The following FHIT variants were observed in gnomAD, a reference collection of about 807,000 sequenced individuals.
FHIT encodes bis(5'-adenosyl)-triphosphatase.
In FHIT, 19 loss-of-function variants were observed where a neutral mutation model predicts 17.9. That is an observed-to-expected ratio of 1.06 (90% CI 0.74 to 1.56). FHIT has a LOEUF of 1.56. Ranked by LOEUF, FHIT falls within the 40% of genes most tolerant of loss-of-function variation. FHIT has a pLI of 0.00. For synonymous variants in FHIT, 81 were observed against 69.7 expected (o/e 1.16, Z -0.81); for missense variants, 248 against 189.2 (o/e 1.31, Z -1.82).
At chr3:59,820,485 G>A (rs973758910) in intron 8 of FHIT, among the ~76,000 whole-genome samples, 19 of 152,232 alleles carry the variant, frequency 1.2e-4, no homozygotes, top group African/African-American at 3.6e-4. Context: ...TGAGAAAAAT[G>A]TCTCACGATT....
At position 60,123,965 on chromosome 3, in the gene FHIT, AAAAT is replaced by A. The variant is rs1345944937; in HGVS notation, c.104-109817_104-109814del. Among the ~76,000 whole-genome samples the A allele has an allele frequency of 3.0e-3, 163 of 54,484 alleles. 7 individuals carry two copies. Among genetic ancestry groups the A allele is most frequent in the African/African-American group, 4.4e-3 (52 of 11,754 alleles). The allele number at this position is 54,484 out of a possible 152,430, so 35.7% of individuals were successfully genotyped here. On this transcript the variant is annotated intron_variant, in intron 5 of 9. Transcript: ENST00000492590. ...CACTTCCATTAACAGAAATGCACTAAAAATATATATATATATATATATATATATA... is the reference window on the plus strand; with the variant it reads ...CACTTCCATTAACAGAAATGCACTAAATATATATATATATATATATATATA...
intron 5 of FHIT, among the ~76,000 whole-genome samples, chr3:60,028,301 C>G (rs1700840582): frequency 6.6e-6 from 1 of 152,150 alleles, no homozygotes; most frequent in Non-Finnish European, 1.5e-5. Flanking sequence ...ACACCAATTC[C>G]CCAACAACAC....
At chr3:60,258,535 T>G (rs2107605302) in intron 5 of FHIT, among the ~76,000 whole-genome samples, 1 of 152,060 alleles carries the variant, frequency 6.6e-6, no homozygotes, top group South Asian at 2.1e-4. Flanking sequence ...TGGTGCTTCC[T>G]AAGATTATTA....
chr3:61,235,944 A>G (rs2040220150), intron 1 of FHIT, among the ~76,000 whole-genome samples: 1 of 151,844 alleles, frequency 6.6e-6, no homozygotes, highest in Non-Finnish European at 1.5e-5. Context: ...TAGCTAAAAT[A>G]ATCACTAACA....
chr3:61,069,573 T>C (rs992616147), intron 2 of FHIT, among the ~76,000 whole-genome samples: 14 of 152,210 alleles, frequency 9.2e-5, no homozygotes, highest in Non-Finnish European at 1.3e-4. Flanking sequence ...TGTATTTTAA[T>C]TCCTGCCCAA....
rs144442650 is a variant in FHIT, at chr3:59,834,489, A to C, written c.349-82168T>G. ...ATATTATAAACTGGTTGGCTTATAA[A>C]AAACAAACATTTACTTCTCACACTT... On this transcript the variant is annotated intron_variant, in intron 8 of 9. Transcript: ENST00000492590. 5.6e-3 allele frequency among the ~76,000 whole-genome samples: 858 copies of C among 152,298 alleles called. 9 individuals carry two copies. The highest frequency in any genetic ancestry group is 0.02 in the African/African-American group (836 of 41,560).
chr3:60,854,661 GA>G (rs1447999643), intron 3 of FHIT, among the ~76,000 whole-genome samples: 2 of 151,154 alleles, frequency 1.3e-5, no homozygotes, highest in Non-Finnish European at 2.9e-5. Context: ...TAGGCAAGAA[GA>G]GGGGGAAAGG....
intron 5 of FHIT, among the ~76,000 whole-genome samples, chr3:60,277,180 G>A (rs1184719495): frequency 6.6e-6 from 1 of 152,086 alleles, no homozygotes; most frequent in Non-Finnish European, 1.5e-5. Flanking sequence ...TCTGGATCTG[G>A]TTTTCTCTTT....
chr3:59,917,464 C>G (rs913943049), intron 8 of FHIT, among the ~76,000 whole-genome samples: 3 of 152,182 alleles, frequency 2.0e-5, no homozygotes, highest in Non-Finnish European at 4.4e-5. Flanking sequence ...TTTCCTCCCC[C>G]ACATTGGCTA....
intron 8 of FHIT, among the ~76,000 whole-genome samples, chr3:59,877,042 T>C (rs1703195180): frequency 6.6e-6 from 1 of 152,220 alleles, no homozygotes; most frequent in Non-Finnish European, 1.5e-5. Flanking sequence ...ATGGCTATAC[T>C]ACTGTAGTTA....
At chr3:60,606,141 A>T (rs2038601007) in intron 4 of FHIT, among the ~76,000 whole-genome samples, 1 of 152,088 alleles carries the variant, frequency 6.6e-6, no homozygotes, top group East Asian at 1.9e-4. Context: ...CTTCCTACCC[A>T]ACAAAGAATC....
chr3:61,132,138 A>G (rs1256218950), intron 2 of FHIT, among the ~76,000 whole-genome samples: 2 of 152,242 alleles, frequency 1.3e-5, no homozygotes, highest in Non-Finnish European at 2.9e-5. Context: ...TATGGAGGCC[A>G]GGACACTGTA....
At chr3:60,189,009 G>A (rs1466754508) in intron 5 of FHIT, among the ~76,000 whole-genome samples, 1 of 152,132 alleles carries the variant, frequency 6.6e-6, no homozygotes, top group African/African-American at 2.4e-5. Flanking sequence ...GCAGCCCGGT[G>A]AATAAAGTTG....
chr3:59,880,278 C>G (rs1703354420), intron 8 of FHIT, among the ~76,000 whole-genome samples: 1 of 152,170 alleles, frequency 6.6e-6, no homozygotes, highest in South Asian at 2.1e-4. Flanking sequence ...GCTCTTCTCT[C>G]TCTCTCAGGG....
chr3:60,840,183 A>G (rs1702673738), intron 3 of FHIT, among the ~76,000 whole-genome samples: 1 of 152,228 alleles, frequency 6.6e-6, no homozygotes, highest in African/African-American at 2.4e-5. Context: ...CTAGAATACA[A>G]TAGACAGCGA....
intron 4 of FHIT, among the ~76,000 whole-genome samples, chr3:60,598,523 T>C (rs2038342346): frequency 6.6e-6 from 1 of 152,166 alleles, no homozygotes; most frequent in African/African-American, 2.4e-5. Flanking sequence ...ATCTTCCATG[T>C]TGTTGCAAGA....
intron 5 of FHIT, among the ~76,000 whole-genome samples, chr3:60,352,409 T>G (rs1347849939): frequency 1.3e-5 from 2 of 152,212 alleles, no homozygotes; most frequent in Non-Finnish European, 2.9e-5. Context: ...TATACCCAGA[T>G]GTCAAATTCT....
intron 5 of FHIT, among the ~76,000 whole-genome samples, chr3:60,160,564 C>G (rs1052235788): frequency 6.6e-6 from 1 of 152,074 alleles, no homozygotes; most frequent in Non-Finnish European, 1.5e-5. Flanking sequence ...AAGCTGGAGC[C>G]CTTAGTTGAG....
chr3:59,966,073 A>G (rs1050252197), intron 7 of FHIT, among the ~76,000 whole-genome samples: 1 of 152,230 alleles, frequency 6.6e-6, no homozygotes, highest in Non-Finnish European at 1.5e-5. Flanking sequence ...CCAGAGAAAG[A>G]TAATTCTAGA....
Sources: allele counts gnomAD v4.1 joint callset (sites outside exome capture counted in the v4.1 genomes callset), GRCh38; gene constraint gnomAD v4.1.1; transcripts MANE v1.5; gene names NCBI Gene and HGNC (gene_info 2026-07-23, HGNC 2026-07-21).